Variants in ZBTB46 observed in about 807,000 individuals in gnomAD.
ZBTB46 encodes zinc finger and BTB domain-containing protein 46.
ZBTB46 carries 8 observed loss-of-function variants against 44.1 expected under a neutral mutation model. The observed-to-expected ratio is 0.18, with a 90% CI of 0.11 to 0.33. The LOEUF (loss-of-function observed/expected upper bound fraction) is 0.33, where lower values mean the gene tolerates loss of function less well. Ranked by LOEUF, ZBTB46 falls within the 10% of genes least tolerant of loss-of-function variation. ZBTB46 has a pLI of 1.00. For synonymous variants in ZBTB46, 409 were observed against 382.3 expected (o/e 1.07, Z -0.81); for missense variants, 651 against 847.7 (o/e 0.77, Z 2.88).
intron 1 of ZBTB46, 187 bp from the exon 2 acceptor site, chr20:63,790,977 C>G (rs2092556371): frequency 1.3e-6 from 1 of 761,092 alleles, no homozygotes; most frequent in Non-Finnish European, 2.0e-6. Context: ...GCAGCAAACA[C>G]CGGAGGGCAC....
At chr20:63,819,624 C>G (rs1421949205) in intron 1 of ZBTB46, among the ~76,000 whole-genome samples, 1 of 152,154 alleles carries the variant, frequency 6.6e-6, no homozygotes, top group Non-Finnish European at 1.5e-5. Flanking sequence ...GGGGCCAGAC[C>G]AGAGGTAAAC....
rs373603122 is a variant in ZBTB46, at chr20:63,792,019, C to T, written c.-33-1229G>A. 2.2e-4 allele frequency among the ~76,000 whole-genome samples: 34 copies of T among 152,342 alleles called. No individual in the cohort carries two copies. In the South Asian group the frequency reaches 5.8e-3, roughly 26 times the overall value. On this transcript the variant is annotated intron_variant, in intron 1 of 4. Coordinates refer to ENST00000245663, the MANE Select transcript of ZBTB46 (RefSeq NM_001369741.1). ...GTTCTGTGTGGAGGCATCGCACGAGCTCTGCCTCTGTCTCAACACGGCTTC... is the reference window on the plus strand; with the variant it reads ...GTTCTGTGTGGAGGCATCGCACGAGTTCTGCCTCTGTCTCAACACGGCTTC...
intron 2 of ZBTB46, among the ~76,000 whole-genome samples, chr20:63,788,836 CT>C (rs1172831876): frequency 2.1e-3 from 284 of 133,104 alleles, no homozygotes; most frequent in South Asian, 0.011. Context: ...GAGACTGTCT[CT>C]TTTTTTTTTT....
At chr20:63,764,176 C>A (rs1367751031) in intron 3 of ZBTB46, among the ~76,000 whole-genome samples, 1 of 152,186 alleles carries the variant, frequency 6.6e-6, no homozygotes, top group African/African-American at 2.4e-5. Context: ...GTGGCTCATG[C>A]CTGTGATCCC....
intron 3 of ZBTB46, among the ~76,000 whole-genome samples, chr20:63,770,399 G>A (rs1270982905): frequency 2.0e-5 from 3 of 152,174 alleles, no homozygotes; most frequent in South Asian, 2.1e-4. Context: ...AAGTAAGCAC[G>A]AAGTTCAACA....
At chr20:63,756,593 G>A (rs1359852326) in intron 3 of ZBTB46, among the ~76,000 whole-genome samples, 2 of 152,236 alleles carry the variant, frequency 1.3e-5, no homozygotes, top group Non-Finnish European at 2.9e-5. Context: ...TATGTAAAGT[G>A]CAAATACGTA....
chr20:63,812,814 G>T (rs764927594), intron 1 of ZBTB46, among the ~76,000 whole-genome samples: 23 of 151,708 alleles, frequency 1.5e-4, no homozygotes, highest in Non-Finnish European at 2.1e-4. Flanking sequence ...CAAAAACTAC[G>T]GCTGGGCGTG....
chr20:63,807,792 A>G (rs895294357), intron 1 of ZBTB46, among the ~76,000 whole-genome samples: 2 of 152,276 alleles, frequency 1.3e-5, no homozygotes, highest in Non-Finnish European at 2.9e-5. Flanking sequence ...GGTCTGGCTT[A>G]CAGGCGGCGC....
chr20:63,820,637 G>C (rs1442189999), intron 1 of ZBTB46, among the ~76,000 whole-genome samples: 1 of 150,744 alleles, frequency 6.6e-6, no homozygotes, highest in Non-Finnish European at 1.5e-5. Context: ...TCTCCATGTT[G>C]GTCAGGCTGA....
intron 3 of ZBTB46, among the ~76,000 whole-genome samples, chr20:63,762,374 C>T (rs1002824421): frequency 1.7e-5 from 2 of 116,404 alleles, no homozygotes; most frequent in Non-Finnish European, 3.6e-5. Context: ...TGAGCTGTTG[C>T]CGGGCACAGT....
chr20:63,833,092 C>G (rs1319350202), upstream of ZBTB46, among the ~76,000 whole-genome samples: 1 of 152,222 alleles, frequency 6.6e-6, no homozygotes, highest in African/African-American at 2.4e-5. Flanking sequence ...GTCTGGACCT[C>G]CCTAGACAGC....
intron 2 of ZBTB46, among the ~76,000 whole-genome samples, chr20:63,779,238 TTA>T (rs1436395916): frequency 1.3e-5 from 2 of 151,288 alleles, no homozygotes; most frequent in South Asian, 2.1e-4. Flanking sequence ...AATTAATTAA[TTA>T]ATTTATTTAT....
At chr20:63,788,951 T>C (rs2145921326) in intron 2 of ZBTB46, among the ~76,000 whole-genome samples, 1 of 150,136 alleles carries the variant, frequency 6.7e-6, no homozygotes, top group East Asian at 2.0e-4. Flanking sequence ...TTCTCCTGCC[T>C]CAGCCTCCCA....
chr20:63,805,597 G>A (rs1248775000), intron 1 of ZBTB46, among the ~76,000 whole-genome samples: 1 of 152,188 alleles, frequency 6.6e-6, no homozygotes, highest in East Asian at 1.9e-4. Context: ...GACCCTGCCT[G>A]GAGTCTCCAG....
chr20:63,792,870 A>G (rs1265094410), intron 1 of ZBTB46, among the ~76,000 whole-genome samples: 2 of 152,212 alleles, frequency 1.3e-5, no homozygotes, highest in South Asian at 2.1e-4. Context: ...CAGGCCGGGA[A>G]GATGAGGTAG....
chr20:63,825,400 C>CA (rs768780388), intron 1 of ZBTB46, among the ~76,000 whole-genome samples: 2,087 of 66,678 alleles, frequency 0.031, 157 homozygotes, highest in African/African-American at 0.074. Context: ...GACTCCGTCT[C>CA]AAAAAAAAAA....
intron 3 of ZBTB46, among the ~76,000 whole-genome samples, chr20:63,763,559 C>A (rs755353429): frequency 1.3e-5 from 2 of 152,098 alleles, no homozygotes; most frequent in Non-Finnish European, 2.9e-5. Context: ...CGCTTTTAAT[C>A]GACCGGATCT....
chr20:63,768,873 G>A (rs1017803438), intron 3 of ZBTB46, among the ~76,000 whole-genome samples: 1 of 152,196 alleles, frequency 6.6e-6, no homozygotes, highest in South Asian at 2.1e-4. Flanking sequence ...GGAAGGGACC[G>A]GCCACCACCA....
At position 63,767,962 on chromosome 20, in the gene ZBTB46, C is replaced by T; in HGVS notation, c.1222+7716G>A. ...AAGAGGACTGCTCCGCCCAGCTCTC[C>T]ACGCCATGAGAGGTGTCGATCTGGA... On this transcript the variant is annotated intron_variant, in intron 3 of 4. Transcript: ENST00000245663. This position sits in a 1 kb window ranked among gnomAD's most constrained non-coding sequence, Gnocchi z 5.0. 1 of 985,464 alleles carries T rather than the reference C, an allele frequency of 1.0e-6. No individual in the cohort carries two copies. Among genetic ancestry groups the T allele is most frequent in the Non-Finnish European group, 1.2e-6 (1 of 829,942 alleles). 61.0% of individuals were successfully genotyped at this position (985,464 alleles called of 1,614,324 possible).
Sources: gnomAD v4.1 joint callset for allele counts (sites outside exome capture counted in the v4.1 genomes callset) on GRCh38, gnomAD v4.1.1 for gene constraint, Gnocchi (gnomAD v3.1) non-coding constraint, MANE v1.5 for transcripts, NCBI Gene and HGNC (gene_info 2026-07-23, HGNC 2026-07-21) for gene names.